Variants in RABGAP1L observed in about 807,000 individuals in gnomAD.
RABGAP1L encodes rab GTPase-activating protein 1-like.
RABGAP1L carries 63 observed loss-of-function variants against 137.7 expected under a neutral mutation model. The ratio of observed to expected loss-of-function variants is 0.46; its 90% CI spans 0.37 to 0.56. RABGAP1L has a LOEUF of 0.56. Among genes scored for constraint, RABGAP1L ranks in the 20% least tolerant of loss-of-function variants. The probability of loss-of-function intolerance (pLI) is 0.00; values close to 1 mark genes in which losing one functional copy is unlikely to be tolerated. For missense variants in RABGAP1L, 1,095 were observed against 1,244.0 expected (o/e 0.88, Z 1.80); for synonymous variants, 431 against 433.7 (o/e 0.99, Z 0.08).
chr1:174,629,574 G>A (rs577480567), intron 13 of RABGAP1L, among the ~76,000 whole-genome samples: 23 of 152,128 alleles, frequency 1.5e-4, no homozygotes, highest in Admixed American at 6.5e-4. Context: ...TCGCTCTGTC[G>A]CCCAGTGGCA....
intron 14 of RABGAP1L, among the ~76,000 whole-genome samples, chr1:174,660,113 C>A (rs2148416644): frequency 6.6e-6 from 1 of 152,268 alleles, no homozygotes; most frequent in East Asian, 1.9e-4. Context: ...TGTCTCACAG[C>A]CATGGCAGGG....
At chr1:174,268,132 CTG>C (rs943276180) in intron 7 of RABGAP1L, among the ~76,000 whole-genome samples, 12 of 151,782 alleles carry the variant, frequency 7.9e-5, no homozygotes, top group African/African-American at 2.9e-4. Flanking sequence ...TTTTGAAAAA[CTG>C]TGATTGCATT....
At chr1:174,349,043 G>GC (rs1553278330) in intron 11 of RABGAP1L, among the ~76,000 whole-genome samples, 5 of 129,236 alleles carry the variant, frequency 3.9e-5, no homozygotes, top group African/African-American at 7.9e-5. Flanking sequence ...GGCTGGCCGG[G>GC]CGGGGGGGGG....
chr1:174,541,885 T>C (rs1665486827), intron 13 of RABGAP1L, among the ~76,000 whole-genome samples: 1 of 152,224 alleles, frequency 6.6e-6, no homozygotes, highest in Admixed American at 6.5e-5. Flanking sequence ...GTTTATATGA[T>C]GGATTATGTT....
intron 7 of RABGAP1L, among the ~76,000 whole-genome samples, chr1:174,270,562 A>G (rs1674468453): frequency 6.6e-6 from 1 of 152,096 alleles, no homozygotes; most frequent in Non-Finnish European, 1.5e-5. Flanking sequence ...GCATACATGT[A>G]AGAAATCTGC....
chr1:174,970,495 T>C (rs1670038027), intron 21 of RABGAP1L, among the ~76,000 whole-genome samples: 1 of 152,222 alleles, frequency 6.6e-6, no homozygotes, highest in Non-Finnish European at 1.5e-5. Context: ...CAAAGTTGTT[T>C]GGCAAATGTA....
intron 1 of RABGAP1L, among the ~76,000 whole-genome samples, chr1:174,205,813 C>G (rs1668469248): frequency 6.6e-6 from 1 of 152,076 alleles, no homozygotes; most frequent in African/African-American, 2.4e-5. Flanking sequence ...CTTCTGGTAG[C>G]TTTGGTGTTG....
At chr1:174,283,556 G>C (rs1675772010) in intron 10 of RABGAP1L, among the ~76,000 whole-genome samples, 1 of 151,920 alleles carries the variant, frequency 6.6e-6, no homozygotes, top group African/African-American at 2.4e-5. Flanking sequence ...GCCCAGGCTG[G>C]AGTGCAGTGG....
intron 13 of RABGAP1L, among the ~76,000 whole-genome samples, chr1:174,602,403 G>A (rs1670480659): frequency 6.6e-6 from 1 of 152,102 alleles, no homozygotes; most frequent in African/African-American, 2.4e-5. Context: ...AATAGCAGGG[G>A]AAACTCGTGA....
chr1:174,812,397 A>G (rs1360751699), intron 19 of RABGAP1L, among the ~76,000 whole-genome samples: 1 of 152,222 alleles, frequency 6.6e-6, no homozygotes, highest in Non-Finnish European at 1.5e-5. Flanking sequence ...CCTGCCAAAT[A>G]TCTGTGGATA....
At chr1:174,723,912 T>G (rs778969084) in intron 17 of RABGAP1L, among the ~76,000 whole-genome samples, 1 of 152,166 alleles carries the variant, frequency 6.6e-6, no homozygotes, top group Non-Finnish European at 1.5e-5. Flanking sequence ...CATGGTGAAA[T>G]TGATGTTTGA....
At chr1:174,311,206 A>G (rs1169922258) in intron 11 of RABGAP1L, among the ~76,000 whole-genome samples, 1 of 152,162 alleles carries the variant, frequency 6.6e-6, no homozygotes, top group Non-Finnish European at 1.5e-5. Context: ...ATTTACAATC[A>G]TGGCGGAAAG....
At chr1:174,357,643 G>T (rs1162042525) in intron 11 of RABGAP1L, among the ~76,000 whole-genome samples, 3 of 152,256 alleles carry the variant, frequency 2.0e-5, no homozygotes, top group East Asian at 1.9e-4. Flanking sequence ...AAAAAGGAAG[G>T]ACTGGCCAGT....
intron 18 of RABGAP1L, among the ~76,000 whole-genome samples, chr1:174,790,974 T>C (rs1687811678): frequency 6.6e-6 from 1 of 151,970 alleles, no homozygotes; most frequent in Non-Finnish European, 1.5e-5. Flanking sequence ...GTGGATCACT[T>C]GAGGTCAGGA....
At chr1:174,172,977 T>G (rs1251553849) in intron 1 of RABGAP1L, among the ~76,000 whole-genome samples, 1 of 152,202 alleles carries the variant, frequency 6.6e-6, no homozygotes, top group Non-Finnish European at 1.5e-5. Flanking sequence ...CTAGGGGTTT[T>G]AAGGTTTTAT....
At chr1:174,971,734 C>A (rs192771821) in intron 21 of RABGAP1L, among the ~76,000 whole-genome samples, 1 of 152,350 alleles carries the variant, frequency 6.6e-6, no homozygotes, top group Admixed American at 6.5e-5. Context: ...CTAGGAAGGG[C>A]CCTAGCCTGA....
At chr1:174,635,377 C>G (rs1324060444) in intron 13 of RABGAP1L, among the ~76,000 whole-genome samples, 1 of 152,154 alleles carries the variant, frequency 6.6e-6, no homozygotes, top group Non-Finnish European at 1.5e-5. Flanking sequence ...AAACTATTAA[C>G]TTATCGGAAG....
chr1:174,913,373 T>C (rs895862180), intron 19 of RABGAP1L, among the ~76,000 whole-genome samples: 1 of 152,184 alleles, frequency 6.6e-6, no homozygotes, highest in Admixed American at 6.5e-5. Context: ...ATCATTGCTG[T>C]GTGAGAAGGG....
At chr1:174,536,507 TTTATGTGGGAAGAA>T (rs906273272) in intron 13 of RABGAP1L, among the ~76,000 whole-genome samples, 1 of 152,120 alleles carries the variant, frequency 6.6e-6, no homozygotes, top group African/African-American at 2.4e-5. Context: ...GCATTCTTAT[TTTATGTGGGAAGAA>T]TTATGCTTTT....
Sources: gnomAD v4.1 joint callset for allele counts (sites outside exome capture counted in the v4.1 genomes callset) on GRCh38, gnomAD v4.1.1 for gene constraint, MANE v1.5 for transcripts, NCBI Gene and HGNC (gene_info 2026-07-23, HGNC 2026-07-21) for gene names.